Variants in STAMBPL1 observed in about 807,000 individuals in gnomAD.
STAMBPL1 encodes the protein STAM binding protein like 1.
STAMBPL1 carries 44 observed loss-of-function variants against 52.9 expected under a neutral mutation model. The observed-to-expected ratio is 0.83, with a 90% confidence interval of 0.65 to 1.07. The LOEUF (loss-of-function observed/expected upper bound fraction) is 1.07. Among genes scored for constraint, STAMBPL1 ranks in the 50% least tolerant of loss-of-function variants. The probability of loss-of-function intolerance (pLI) is 0.00; values close to 1 mark genes in which losing one functional copy is unlikely to be tolerated. For missense variants in STAMBPL1, 511 were observed against 520.8 expected (o/e 0.98, Z 0.18); for synonymous variants, 164 against 177.3 (o/e 0.92, Z 0.60).
intron 1 of STAMBPL1, among the ~76,000 whole-genome samples, chr10:88,891,052 A>G (rs12245525): frequency 0.072 from 11,019 of 152,230 alleles, 1,010 homozygotes; most frequent in African/African-American, 0.21. Flanking sequence ...ACTGGAGTCA[A>G]TTCCGAGTTA....
At position 88,889,817 on chromosome 10, in the gene STAMBPL1, CCTT is replaced by C. The variant is rs1288620713; in HGVS notation, c.-54+9182_-54+9184del. Among the ~76,000 whole-genome samples, 63 of 152,304 alleles carry C rather than the reference CCTT, an allele frequency of 4.1e-4. 1 individual carries two copies. The highest frequency in any genetic ancestry group is 1.4e-3 in the African/African-American group (60 of 41,584). ...GATCTTATTCAAATTTCACCGAAGT[CCTT>C]CTGGGCAAGGATCCTTTCTGGGATC... is the stretch of plus-strand genomic sequence containing the variant. On this transcript the variant is annotated intron_variant, in intron 1 of 10. Transcript: ENST00000371926.
rs1219651473 is a variant in STAMBPL1, at chr10:88,916,764, G to C, written c.988G>C (p.Glu330Gln). The C allele has an allele frequency of 1.9e-6, 3 of 1,609,774 alleles. No homozygotes were observed. The East Asian group carries it at 6.7e-5, about 36-fold the overall frequency. ...PDYCDMENVE[E>Q]LFNVQDQHDL... ...CTATTGTGACATGGAGAATGTAGAGGAATTATTCAATGTTCAGGATCAACA... is the reference window on the plus strand; with the variant it reads ...CTATTGTGACATGGAGAATGTAGAGCAATTATTCAATGTTCAGGATCAACA... The change falls in exon 8 of 11, where the codon GAA becomes CAA. Residue 330 changes from glutamate to glutamine, a missense_variant. Coordinates refer to ENST00000371926, the MANE Select transcript of STAMBPL1 (RefSeq NM_020799.4).
intron 8 of STAMBPL1, among the ~76,000 whole-genome samples, chr10:88,920,399 A>G (rs1052291788): frequency 6.6e-6 from 1 of 152,216 alleles, no homozygotes; most frequent in East Asian, 1.9e-4. Context: ...AGATGATGAA[A>G]TGGGCAAGAG....
chr10:88,889,330 T>C lies in STAMBPL1; in HGVS notation c.-54+8692T>C, dbSNP rs77588341. Among the ~76,000 whole-genome samples, 12 of 152,316 alleles carry C rather than the reference T, an allele frequency of 7.9e-5. No individual in the cohort carries two copies. The East Asian group carries it at 2.1e-3, about 27-fold the overall frequency. ...ACATTTTTTTCAATCCTCATCCATA[T>C]TGAGTTGGACCAATCATATACATTT... On this transcript the variant is annotated intron_variant, in intron 1 of 10. Coordinates refer to ENST00000371926, the MANE Select transcript of STAMBPL1 (RefSeq NM_020799.4).
In STAMBPL1 at chr10:88,913,229, A is replaced by C. The variant is rs200055658; in HGVS notation, c.549A>C (p.Gln183His). 2 of 1,613,880 alleles carry C rather than the reference A, an allele frequency of 1.2e-6. No homozygotes were observed. Among genetic ancestry groups the C allele is most frequent in the South Asian group, 1.1e-5 (1 of 91,080 alleles). The change falls in exon 6 of 11, where the codon CAA becomes CAC. Residue 183 changes from glutamine to histidine, a missense_variant. Around this residue, in one of 3 missense-constraint regions of STAMBPL1, gnomAD observed 358 missense variants for 343.5 expected, o/e 1.04. Transcript: ENST00000371926. ...ESEQFLFFED[Q>H]LKKQELARGQ... Reference sequence around the variant, plus strand: ...AGCAGTTTCTGTTTTTCGAAGATCAACTCAAGAAGCAAGAGTTAGCCCGAG... The same window carrying C: ...AGCAGTTTCTGTTTTTCGAAGATCACCTCAAGAAGCAAGAGTTAGCCCGAG...
chr10:88,910,422 C>T (rs949527486), intron 4 of STAMBPL1, among the ~76,000 whole-genome samples: 3 of 152,156 alleles, frequency 2.0e-5, no homozygotes, highest in Admixed American at 1.3e-4. Flanking sequence ...GGTGTTAATT[C>T]AGTAGATCCA....
chr10:88,889,293 T>C (rs1844618925), intron 1 of STAMBPL1, among the ~76,000 whole-genome samples: 1 of 152,194 alleles, frequency 6.6e-6, no homozygotes, highest in South Asian at 2.1e-4. Context: ...ATGCATATTA[T>C]TTTAAAAACT....
At chr10:88,920,456 C>G (rs1040552228) in intron 8 of STAMBPL1, among the ~76,000 whole-genome samples, 1 of 152,170 alleles carries the variant, frequency 6.6e-6, no homozygotes, top group African/African-American at 2.4e-5. Context: ...GTAATGGAGT[C>G]AGGACCTAGA....
At chr10:88,908,298 C>T (rs965236238) in intron 3 of STAMBPL1, among the ~76,000 whole-genome samples, 1 of 151,992 alleles carries the variant, frequency 6.6e-6, no homozygotes, top group Non-Finnish European at 1.5e-5. Context: ...CATCAGTGGT[C>T]GTTTGAGTTT....
At chr10:88,914,499 G>GT in intron 6 of STAMBPL1, 35 bp from the exon 7 acceptor site, 2 of 1,445,492 alleles carry the variant, frequency 1.4e-6, no homozygotes, top group Non-Finnish European at 1.8e-6. Flanking sequence ...CATATAGTTT[G>GT]TTTTTTAGCC....
intron 7 of STAMBPL1, 136 bp from the exon 8 acceptor site, chr10:88,916,544 A>G: frequency 2.6e-6 from 1 of 380,014 alleles, no homozygotes; most frequent in Non-Finnish European, 4.1e-6. Context: ...ACAGGGAGGG[A>G]TGATGTAAGT....
chr10:88,912,825 T>A, intron 5 of STAMBPL1: 1 of 331,440 alleles, frequency 3.0e-6, no homozygotes, highest in East Asian at 5.3e-5. Context: ...TGACGTTGAT[T>A]TTCCAGTATT....
intron 8 of STAMBPL1, 64 bp downstream of exon 8, chr10:88,916,881 G>T (rs1027128926): frequency 7.3e-7 from 1 of 1,378,588 alleles, no homozygotes; most frequent in Non-Finnish European, 9.5e-7. Flanking sequence ...CCTCCTTGAA[G>T]AAAAGTTTAG....
At chr10:88,922,279 A>G (rs2133222608) in intron 9 of STAMBPL1, 58 bp from the exon 10 acceptor site, 1 of 1,521,740 alleles carries the variant, frequency 6.6e-7, no homozygotes, top group Non-Finnish European at 9.1e-7. Context: ...CAAATAAAGC[A>G]TCTGGAATGC....
At chr10:88,902,972 C>G (rs1486061041) in intron 2 of STAMBPL1, among the ~76,000 whole-genome samples, 1 of 152,118 alleles carries the variant, frequency 6.6e-6, no homozygotes, top group East Asian at 1.9e-4. Flanking sequence ...ACTTTCTGTC[C>G]CCATGTTGTT....
At chr10:88,914,744 C>T in intron 7 of STAMBPL1, 86 bp downstream of exon 7, 1 of 548,848 alleles carries the variant, frequency 1.8e-6, no homozygotes. Context: ...ATAAGTGGAA[C>T]AGAATAAAAC....
rs1845274231 is a variant in STAMBPL1 at position 88,913,280 on chromosome 10, A to G, written c.600A>G (p.Ser200=). 1 of 1,613,800 alleles carries G rather than the reference A, an allele frequency of 6.2e-7. No homozygotes were observed. The highest frequency in any genetic ancestry group is 1.7e-5 in the Admixed American group (1 of 59,952). ...GTCAAATGCGAAGTCAGCAAACCTC[A>G]GGGCTGTCAGAGCAGATTGATGGGA... is the stretch of plus-strand genomic sequence containing the variant. ...ARGQMRSQQT[S]GLSEQIDGSA... Residue 200 remains serine (S), a synonymous_variant, in exon 6 of 11, where the codon TCA becomes TCG. Coordinates refer to ENST00000371926, the MANE Select transcript of STAMBPL1 (RefSeq NM_020799.4).
intron 1 of STAMBPL1, among the ~76,000 whole-genome samples, chr10:88,891,012 G>T (rs1465823735): frequency 6.6e-6 from 1 of 152,162 alleles, no homozygotes; most frequent in Non-Finnish European, 1.5e-5. Context: ...GAAGAGTTGG[G>T]AATTAAGTAA....
chr10:88,908,327 G>A (rs1338283871), intron 3 of STAMBPL1, among the ~76,000 whole-genome samples: 1 of 152,008 alleles, frequency 6.6e-6, no homozygotes, highest in African/African-American at 2.4e-5. Context: ...AGTGAGAAGG[G>A]ATTTACATCA....
Sources: gnomAD v4.1 joint callset for allele counts (sites outside exome capture counted in the v4.1 genomes callset) on GRCh38, gnomAD v4.1.1 for gene constraint, gnomAD v4.1.1 regional missense constraint, MANE v1.5 for transcripts, NCBI Gene and HGNC (gene_info 2026-07-23, HGNC 2026-07-21) for gene names.